CTNNA3: variants seen among roughly 807,000 people sequenced by gnomAD.
CTNNA3 encodes the protein catenin alpha 3, also known as catenin alpha-3.
Under a neutral mutation model 95.7 loss-of-function variants are expected in CTNNA3, and 76 were observed. The observed-to-expected ratio is 0.79, with a 90% CI of 0.66 to 0.96. The LOEUF is 0.96. Among genes scored for constraint, CTNNA3 ranks in the 40% least tolerant of loss-of-function variants. CTNNA3 has a pLI of 0.00. For missense variants in CTNNA3, 1,191 were observed against 1,089.8 expected, an observed-to-expected ratio of 1.09 and a Z score of -1.31; for synonymous variants, 431 against 374.4, an observed-to-expected ratio of 1.15 and a Z score of -1.74.
intron 11 of CTNNA3, among the ~76,000 whole-genome samples, chr10:66,406,618 C>G (rs16923012): frequency 2.0e-5 from 3 of 152,010 alleles, no homozygotes; most frequent in Non-Finnish European, 4.4e-5. Flanking sequence ...CCAAATGACA[C>G]AAAGAGATAA....
chr10:67,470,586 A>T (rs75782003), intron 5 of CTNNA3, among the ~76,000 whole-genome samples: 4,641 of 152,164 alleles, frequency 0.03, 267 homozygotes, highest in African/African-American at 0.11. Flanking sequence ...ACTGCCTTAG[A>T]CAAGTGATGT....
At chr10:66,423,070 T>G (rs2093209801) in intron 11 of CTNNA3, among the ~76,000 whole-genome samples, 2 of 152,096 alleles carry the variant, frequency 1.3e-5, no homozygotes, top group Admixed American at 1.3e-4. Flanking sequence ...CAACTCCAAC[T>G]CTCATCTTCT....
intron 7 of CTNNA3, among the ~76,000 whole-genome samples, chr10:67,146,163 T>G (rs1156458409): frequency 6.6e-6 from 1 of 152,202 alleles, no homozygotes; most frequent in African/African-American, 2.4e-5. Flanking sequence ...TGAAATGACT[T>G]GGCTCAAAAG....
intron 10 of CTNNA3, among the ~76,000 whole-genome samples, chr10:66,609,128 C>T (rs1176793966): frequency 6.6e-6 from 1 of 151,658 alleles, no homozygotes; most frequent in African/African-American, 2.4e-5. Context: ...GGTGTGATCT[C>T]AGCTCACTGT....
rs1254607450 is a variant in CTNNA3, at chr10:67,479,708, G to C, written c.579+42134C>G. 2.0e-5 allele frequency among the ~76,000 whole-genome samples: 3 copies of C among 151,966 alleles called. No individual in the cohort carries two copies. The South Asian group carries it at 6.2e-4, about 32-fold the overall frequency. ...AAAACAGGAACAAACTAACCCCAAAGCTAGCTGAATGAAAGAAATAACCAA... is the reference window on the plus strand; with the variant it reads ...AAAACAGGAACAAACTAACCCCAAACCTAGCTGAATGAAAGAAATAACCAA... On this transcript the variant is annotated intron_variant, in intron 5 of 17. Transcript: ENST00000433211.
chr10:66,718,707 A>G (rs1483260952), intron 9 of CTNNA3, among the ~76,000 whole-genome samples: 1 of 151,548 alleles, frequency 6.6e-6, no homozygotes, highest in African/African-American at 2.4e-5. Flanking sequence ...TTGTGAGGAC[A>G]GTGATTTTCA....
At chr10:66,351,634 T>C (rs1316695848) in intron 12 of CTNNA3, among the ~76,000 whole-genome samples, 1 of 152,004 alleles carries the variant, frequency 6.6e-6, no homozygotes. Context: ...CATGATCACA[T>C]TGTAGATATT....
chr10:66,890,865 T>G (rs781373575), intron 7 of CTNNA3, among the ~76,000 whole-genome samples: 1 of 152,110 alleles, frequency 6.6e-6, no homozygotes, highest in East Asian at 1.9e-4. Flanking sequence ...AGTAAAGCCC[T>G]TTGAAGGAGT....
intron 1 of CTNNA3, among the ~76,000 whole-genome samples, chr10:67,756,568 T>A (rs1036447471): frequency 6.6e-6 from 1 of 152,118 alleles, no homozygotes; most frequent in Non-Finnish European, 1.5e-5. Flanking sequence ...GCAAATGTGC[T>A]AAGAAAAAAA....
chr10:66,844,269 G>A (rs1222753200), intron 7 of CTNNA3, among the ~76,000 whole-genome samples: 3 of 152,200 alleles, frequency 2.0e-5, no homozygotes, highest in African/African-American at 7.2e-5. Context: ...TCATTAGGCA[G>A]TTCAATTACA....
intron 7 of CTNNA3, among the ~76,000 whole-genome samples, chr10:66,815,815 C>G (rs1368182247): frequency 6.6e-6 from 1 of 152,118 alleles, no homozygotes; most frequent in Non-Finnish European, 1.5e-5. Flanking sequence ...AAAAGTGAGA[C>G]AATTGGTTGC....
At chr10:66,865,996 G>A (rs1456395191) in intron 7 of CTNNA3, among the ~76,000 whole-genome samples, 1 of 151,754 alleles carries the variant, frequency 6.6e-6, no homozygotes, top group Non-Finnish European at 1.5e-5. Context: ...ACTCTTAATT[G>A]CCTATACCTA....
intron 5 of CTNNA3, among the ~76,000 whole-genome samples, chr10:67,402,207 T>C (rs1248101573): frequency 6.6e-6 from 1 of 152,210 alleles, no homozygotes; most frequent in East Asian, 1.9e-4. Flanking sequence ...AGTAAAATGA[T>C]TCAAGGGCTG....
At chr10:67,349,650 A>G (rs1842559591) in intron 5 of CTNNA3, among the ~76,000 whole-genome samples, 1 of 152,186 alleles carries the variant, frequency 6.6e-6, no homozygotes, top group Admixed American at 6.6e-5. Flanking sequence ...ACCTATAGTT[A>G]TCAATACTAT....
intron 9 of CTNNA3, among the ~76,000 whole-genome samples, chr10:66,631,306 A>G (rs1845125743): frequency 6.6e-6 from 1 of 152,212 alleles, no homozygotes; most frequent in East Asian, 1.9e-4. Flanking sequence ...TAACAAAATT[A>G]GACAGAAATT....
chr10:66,118,304 C>A (rs998394737), intron 13 of CTNNA3: 1 of 152,104 alleles, frequency 6.6e-6, no homozygotes, highest in Non-Finnish European at 1.5e-5. Context: ...TAGTCTTAGA[C>A]GTCACCAGGG....
At chr10:66,630,285 T>C (rs948725620) in intron 9 of CTNNA3, among the ~76,000 whole-genome samples, 8 of 152,102 alleles carry the variant, frequency 5.3e-5, no homozygotes, top group African/African-American at 1.9e-4. Context: ...GGACAAGAAA[T>C]AAAGAGGAAT....
intron 5 of CTNNA3, among the ~76,000 whole-genome samples, chr10:67,270,730 G>A (rs368081050): frequency 3.3e-5 from 5 of 152,112 alleles, no homozygotes; most frequent in African/African-American, 1.2e-4. Context: ...TTCTATTAAA[G>A]TCAATACAAG....
intron 7 of CTNNA3, among the ~76,000 whole-genome samples, chr10:66,872,823 T>C (rs1160902950): frequency 6.6e-6 from 1 of 151,972 alleles, no homozygotes; most frequent in Admixed American, 6.6e-5. Context: ...CCATAGGTAG[T>C]TTTTCAGCCC....
Sources: gnomAD v4.1 joint callset for allele counts (sites outside exome capture counted in the v4.1 genomes callset) on GRCh38, gnomAD v4.1.1 for gene constraint, MANE v1.5 for transcripts, NCBI Gene and HGNC (gene_info 2026-07-23, HGNC 2026-07-21) for gene names.